Variants in PCDHA6 observed in about 807,000 individuals in gnomAD.
The protein encoded by PCDHA6 is protocadherin alpha-6.
A neutral mutation model predicts 60.3 loss-of-function variants in PCDHA6; 55 were observed. The ratio of observed to expected loss-of-function variants is 0.91; its 90% confidence interval spans 0.73 to 1.14. The LOEUF (loss-of-function observed/expected upper bound fraction) is 1.14. Among genes scored for constraint, PCDHA6 ranks in the 50% most tolerant of loss-of-function variants. PCDHA6 has a pLI of 0.00. For synonymous variants in PCDHA6, 652 were observed against 557.9 expected (o/e 1.17, Z -2.38); for missense variants, 1,327 against 1,256.5 (o/e 1.06, Z -0.85).
At chr5:141,002,934 C>A (rs1318656602) in intron 3 of PCDHA6, among the ~76,000 whole-genome samples, 2 of 152,172 alleles carry the variant, frequency 1.3e-5, no homozygotes, top group Non-Finnish European at 2.9e-5. Flanking sequence ...CCTCCAACAC[C>A]CTCCAGCACA....
chr5:140,979,961 C>G (rs1554241296), intron 2 of PCDHA6, among the ~76,000 whole-genome samples: 1 of 152,054 alleles, frequency 6.6e-6, no homozygotes, highest in Non-Finnish European at 1.5e-5. Context: ...TAGTTTTAGC[C>G]CATTAAAATG....
At chr5:141,009,391 C>T (rs1006846075) in intron 3 of PCDHA6, among the ~76,000 whole-genome samples, 1 of 152,086 alleles carries the variant, frequency 6.6e-6, no homozygotes, top group Non-Finnish European at 1.5e-5. Context: ...CACAGGAGGT[C>T]GAGGCTGCAG....
At chr5:140,840,780 T>G (rs1429191969) in intron 1 of PCDHA6, among the ~76,000 whole-genome samples, 1 of 152,072 alleles carries the variant, frequency 6.6e-6, no homozygotes, top group Admixed American at 6.5e-5. Flanking sequence ...AAAGTTAGAA[T>G]TATATGCTCA....
At chr5:140,883,890 G>T (rs2153398485) in intron 1 of PCDHA6, 1 of 1,613,462 alleles carries the variant, frequency 6.2e-7, no homozygotes, top group Non-Finnish European at 8.5e-7. Context: ...CGCGACTCTG[G>T]CGTGCCGCCT....
At chr5:140,966,695 CGGGCGTGGGGCACGGCT>C (rs2096039584) in intron 1 of PCDHA6, 1 of 1,358,374 alleles carries the variant, frequency 7.4e-7, no homozygotes. Flanking sequence ...AGGCGGGGCC[CGGGCGTGGGGCACGGCT>C]GGGGAAGCTG....
intron 1 of PCDHA6, among the ~76,000 whole-genome samples, chr5:140,899,542 G>A (rs2067394532): frequency 6.6e-6 from 1 of 152,156 alleles, no homozygotes; most frequent in Non-Finnish European, 1.5e-5. Flanking sequence ...ACTTGATCAT[G>A]GTGGATAAGC....
intron 1 of PCDHA6, chr5:140,856,708 A>G: frequency 6.3e-7 from 1 of 1,596,690 alleles, no homozygotes; most frequent in South Asian, 1.1e-5. Context: ...GCAAACCTGA[A>G]TTTACCGGAT....
intron 1 of PCDHA6, chr5:140,868,902 T>G (rs2050730920): frequency 1.2e-6 from 1 of 837,896 alleles, no homozygotes; most frequent in African/African-American, 1.7e-5. Context: ...AAGGTGTCGC[T>G]CTTTACTTGG....
rs782473800 is a variant in PCDHA6 at position 140,927,043 on chromosome 5, T to C, written c.2395-51906T>C. On this transcript the variant is annotated intron_variant, in intron 1 of 3. Transcript: ENST00000529310. Reference sequence around the variant, plus strand: ...CTTGAGGCTGCCAGCGGCCGCTATGTCCTCGCGGAACTTTCGCTTCCTTTC... The same window carrying C: ...CTTGAGGCTGCCAGCGGCCGCTATGCCCTCGCGGAACTTTCGCTTCCTTTC... 11 of 1,612,262 alleles carry C rather than the reference T, an allele frequency of 6.8e-6. No homozygotes were observed. Among genetic ancestry groups the C allele is most frequent in the Non-Finnish European group, 9.3e-6 (11 of 1,178,916 alleles).
intron 1 of PCDHA6, chr5:140,884,520 C>G (rs782029549): frequency 4.3e-6 from 7 of 1,613,918 alleles, no homozygotes; most frequent in Middle Eastern, 1.6e-4. Flanking sequence ...TGGTCGTACT[C>G]GCAGCAGAGG....
At chr5:140,870,622 G>C (rs377101052) in intron 1 of PCDHA6, 4 of 1,613,124 alleles carry the variant, frequency 2.5e-6, no homozygotes, top group Non-Finnish European at 3.4e-6. Flanking sequence ...GTCGAGCTAC[G>C]TGTCGGTGCA....
intron 1 of PCDHA6, among the ~76,000 whole-genome samples, chr5:140,889,879 T>G (rs2062416989): frequency 6.6e-6 from 1 of 152,162 alleles, no homozygotes; most frequent in South Asian, 2.1e-4. Flanking sequence ...CCTGCCACCA[T>G]GTAAGAATTC....
At chr5:140,843,342 A>G (rs2150357887) in intron 1 of PCDHA6, 1 of 1,596,056 alleles carries the variant, frequency 6.3e-7, no homozygotes, top group South Asian at 1.1e-5. Flanking sequence ...GAGAGCGGCC[A>G]GGCTCCAAAA....
At chr5:140,920,910 A>C (rs2153559145) in intron 1 of PCDHA6, among the ~76,000 whole-genome samples, 1 of 151,920 alleles carries the variant, frequency 6.6e-6, no homozygotes, top group East Asian at 1.9e-4. Context: ...TTCTCAAATC[A>C]GTTCCAAGAG....
chr5:140,848,693 G>A, intron 1 of PCDHA6: 1 of 1,592,386 alleles, frequency 6.3e-7, no homozygotes, highest in Non-Finnish European at 8.6e-7. Flanking sequence ...TGTTCCAGTT[G>A]GATTCCAAAG....
chr5:140,840,079 T>C lies in PCDHA6; in HGVS notation c.2394+9594T>C, dbSNP rs2150303127. Among the ~76,000 whole-genome samples the C allele has an allele frequency of 4.9e-4, 75 of 152,120 alleles. 1 individual carries two copies. The highest frequency in any genetic ancestry group is 8.7e-4 in the Non-Finnish European group (59 of 67,972). On this transcript the variant is annotated intron_variant, in intron 1 of 3. Coordinates refer to ENST00000529310, the MANE Select transcript of PCDHA6 (RefSeq NM_018909.4). The stretch of plus-strand genomic sequence containing the variant: ...TCTTGACAATTAGTCAATAGAAAGA[T>C]AAACTTGTTGAAGATTTTAGTGAAA...
intron 1 of PCDHA6, chr5:140,966,931 C>T: frequency 6.2e-7 from 1 of 1,603,674 alleles, no homozygotes; most frequent in Non-Finnish European, 8.5e-7. Flanking sequence ...AGGCACCCGG[C>T]GCGCTCGTGG....
intron 1 of PCDHA6, among the ~76,000 whole-genome samples, chr5:140,846,443 C>T (rs1355812875): frequency 2.2e-5 from 3 of 134,856 alleles, no homozygotes; most frequent in Non-Finnish European, 4.7e-5. Context: ...GGCGCAATCT[C>T]GGCTCACTGC....
chr5:140,938,991 T>C (rs2092291799), intron 1 of PCDHA6, among the ~76,000 whole-genome samples: 2 of 152,230 alleles, frequency 1.3e-5, no homozygotes, highest in South Asian at 2.1e-4. Context: ...TGGCTTTATA[T>C]AGTAAGTTAA....
Sources: gnomAD v4.1 joint callset for allele counts (sites outside exome capture counted in the v4.1 genomes callset) on GRCh38, gnomAD v4.1.1 for gene constraint, MANE v1.5 for transcripts, NCBI Gene and HGNC (gene_info 2026-07-23, HGNC 2026-07-21) for gene names.